The following COX7B2 variants were observed in gnomAD, a reference collection of about 807,000 sequenced individuals.
The protein encoded by COX7B2 is cytochrome c oxidase subunit 7B2, also known as cytochrome c oxidase subunit 7B2, mitochondrial.
For synonymous variants in COX7B2, 37 were observed against 32.1 expected, an observed-to-expected ratio of 1.15 and a Z score of -0.51; for missense variants, 109 against 95.9, an observed-to-expected ratio of 1.14 and a Z score of -0.57.
At chr4:46,832,417 C>G (rs1037524030) in intron 2 of COX7B2, among the ~76,000 whole-genome samples, 1 of 152,178 alleles carries the variant, frequency 6.6e-6, no homozygotes, top group Admixed American at 6.5e-5. Context: ...CAATTCCAGA[C>G]ACAAAAGCAC....
chr4:46,897,094 A>T (rs1262784646), intron 1 of COX7B2, among the ~76,000 whole-genome samples: 1 of 152,160 alleles, frequency 6.6e-6, no homozygotes, highest in African/African-American at 2.4e-5. Context: ...TGTTTTGTAG[A>T]CTATGGCTGG....
intron 2 of COX7B2, among the ~76,000 whole-genome samples, chr4:46,825,493 G>A (rs1412144441): frequency 6.6e-6 from 1 of 151,944 alleles, no homozygotes; most frequent in Non-Finnish European, 1.5e-5. Flanking sequence ...TCCTTATCAG[G>A]CTACCAAAGA....
At chr4:46,871,910 T>C (rs777948282) in intron 1 of COX7B2, among the ~76,000 whole-genome samples, 1 of 152,136 alleles carries the variant, frequency 6.6e-6, no homozygotes, top group Non-Finnish European at 1.5e-5. Flanking sequence ...GAAAGCAGTA[T>C]GGTGATTCCT....
chr4:46,752,445 C>A (rs1715445081), intron 2 of COX7B2, among the ~76,000 whole-genome samples: 1 of 152,102 alleles, frequency 6.6e-6, no homozygotes, highest in South Asian at 2.1e-4. Context: ...GCCAGAACTT[C>A]CAACACTATG....
intron 1 of COX7B2, among the ~76,000 whole-genome samples, chr4:46,871,587 CTG>C (rs1228536378): frequency 6.6e-6 from 1 of 151,632 alleles, no homozygotes; most frequent in African/African-American, 2.4e-5. Flanking sequence ...AACTATGCAT[CTG>C]ACAAAGGTCT....
intron 2 of COX7B2, among the ~76,000 whole-genome samples, chr4:46,812,560 C>T (rs1244077844): frequency 6.6e-6 from 1 of 152,062 alleles, no homozygotes; most frequent in Admixed American, 6.6e-5. Context: ...CCAGGTATAG[C>T]AGCAAGGATG....
chr4:46,866,604 A>C (rs1378640064), intron 1 of COX7B2, among the ~76,000 whole-genome samples: 5 of 152,178 alleles, frequency 3.3e-5, no homozygotes, highest in African/African-American at 1.2e-4. Context: ...ATTATTTCTA[A>C]TGGGAAGCAG....
At chr4:46,908,968 C>T (rs536560704) in intron 1 of COX7B2, among the ~76,000 whole-genome samples, 192 bp downstream of exon 1, 14 of 151,702 alleles carry the variant, frequency 9.2e-5, no homozygotes, top group South Asian at 2.1e-4. Context: ...GGCGTGAACC[C>T]GGGAGGCGGA....
chr4:46,907,799 G>A (rs148613626), intron 1 of COX7B2, among the ~76,000 whole-genome samples: 2 of 140,964 alleles, frequency 1.4e-5, no homozygotes, highest in Admixed American at 7.4e-5. Context: ...TCCATCTCTT[G>A]TCTCTGAAGA....
chr4:46,893,024 G>C (rs529359254), intron 1 of COX7B2, among the ~76,000 whole-genome samples: 1 of 152,102 alleles, frequency 6.6e-6, no homozygotes, highest in Non-Finnish European at 1.5e-5. Flanking sequence ...AGTTTCCTGA[G>C]ACCTCCCCAG....
At chr4:46,769,139 T>C (rs190166030) in intron 2 of COX7B2, among the ~76,000 whole-genome samples, 1 of 151,834 alleles carries the variant, frequency 6.6e-6, no homozygotes, top group Non-Finnish European at 1.5e-5. Flanking sequence ...AATAATAAAA[T>C]TTTTTTAAAA....
intron 2 of COX7B2, among the ~76,000 whole-genome samples, chr4:46,743,443 TA>T (rs897086054): frequency 6.6e-6 from 1 of 152,162 alleles, no homozygotes; most frequent in Non-Finnish European, 1.5e-5. Flanking sequence ...TTCATTAACT[TA>T]AAAAAAGTAT....
intron 1 of COX7B2, among the ~76,000 whole-genome samples, chr4:46,862,106 C>A (rs146770317): frequency 1.0e-3 from 153 of 152,334 alleles, no homozygotes; most frequent in African/African-American, 3.6e-3. Context: ...TTAAGTTCTC[C>A]AGCAGCTCAA....
chr4:46,804,521 C>A (rs1045040124), intron 2 of COX7B2, among the ~76,000 whole-genome samples: 12 of 152,150 alleles, frequency 7.9e-5, no homozygotes, highest in African/African-American at 1.4e-4. Context: ...ACTAGATTAG[C>A]TAGATACAGA....
intron 2 of COX7B2, among the ~76,000 whole-genome samples, chr4:46,744,114 T>A (rs1177034118): frequency 6.6e-6 from 1 of 152,114 alleles, no homozygotes; most frequent in Non-Finnish European, 1.5e-5. Context: ...CATAGTTTTT[T>A]TTTTGTATAA....
chr4:46,814,480 T>C (rs1719445608), intron 2 of COX7B2, among the ~76,000 whole-genome samples: 1 of 152,212 alleles, frequency 6.6e-6, no homozygotes, highest in Non-Finnish European at 1.5e-5. Context: ...TCAACCTGAG[T>C]GCAAACTATA....
At chr4:46,882,294 A>G (rs190914017) in intron 1 of COX7B2, among the ~76,000 whole-genome samples, 5 of 152,292 alleles carry the variant, frequency 3.3e-5, no homozygotes, top group Admixed American at 6.5e-5. Flanking sequence ...AGAGTTCTGT[A>G]AAGGTCTATC....
chr4:46,908,045 G>A (rs756684596), intron 1 of COX7B2, among the ~76,000 whole-genome samples: 2 of 151,694 alleles, frequency 1.3e-5, no homozygotes, highest in Non-Finnish European at 2.9e-5. Context: ...GTAGAGATGC[G>A]TTTCACCCTG....
chr4:46,784,995 G>C (rs572270166), intron 2 of COX7B2, among the ~76,000 whole-genome samples: 2 of 152,078 alleles, frequency 1.3e-5, no homozygotes, highest in East Asian at 1.9e-4. Context: ...ATAAGTTTAA[G>C]GCACATGCAC....
Sources: allele counts gnomAD v4.1 joint callset (sites outside exome capture counted in the v4.1 genomes callset), GRCh38; gene constraint gnomAD v4.1.1; transcripts MANE v1.5; gene names NCBI Gene and HGNC (gene_info 2026-07-23, HGNC 2026-07-21).